The following NSMAF variants were observed in gnomAD, a reference collection of about 807,000 sequenced individuals.
NSMAF encodes protein FAN.
Under a neutral mutation model 134.9 loss-of-function variants are expected in NSMAF, and 90 were observed. The observed-to-expected ratio is 0.67, with a 90% confidence interval of 0.56 to 0.79. The LOEUF (loss-of-function observed/expected upper bound fraction) is 0.79. Ranked by LOEUF, NSMAF falls within the 30% of genes least tolerant of loss-of-function variation. The pLI is 0.00. For missense variants in NSMAF, 1,010 were observed against 1,119.0 expected (o/e 0.90, Z 1.39); for synonymous variants, 358 against 389.6 (o/e 0.92, Z 0.96).
At chr8:58,641,485 G>A (rs1807335193) in intron 2 of NSMAF, among the ~76,000 whole-genome samples, 1 of 152,104 alleles carries the variant, frequency 6.6e-6, no homozygotes, top group African/African-American at 2.4e-5. Context: ...TGATAAATCT[G>A]CCCCCTTCTG....
intron 9 of NSMAF, among the ~76,000 whole-genome samples, chr8:58,613,513 A>C (rs1457230532): frequency 1.3e-5 from 2 of 152,178 alleles, no homozygotes; most frequent in Non-Finnish European, 2.9e-5. Context: ...GGAGTACTGA[A>C]AAATACGAGA....
At chr8:58,625,494 ATTAT>A (rs1462576284) in intron 6 of NSMAF, among the ~76,000 whole-genome samples, 3 of 152,152 alleles carry the variant, frequency 2.0e-5, no homozygotes, top group Non-Finnish European at 2.9e-5. Context: ...TGCATTTGTA[ATTAT>A]TTATCTTTCT....
chr8:58,605,380 G>C (rs909124989), intron 12 of NSMAF, among the ~76,000 whole-genome samples: 3 of 152,080 alleles, frequency 2.0e-5, no homozygotes, highest in Admixed American at 1.3e-4. Flanking sequence ...ACTGAGTCTT[G>C]GTTCTCATAA....
In NSMAF at chr8:58,597,156, T is replaced by C. The variant is rs7008292; in HGVS notation, c.1792+231A>G. On this transcript the variant is annotated intron_variant, in intron 21 of 30. Transcript: ENST00000038176. ...AACATATATGGCCAACTTTCACTCATATTCAATTGCCAGAAAATAAAAGCG... is the reference window on the plus strand; with the variant it reads ...AACATATATGGCCAACTTTCACTCACATTCAATTGCCAGAAAATAAAAGCG... 0.067 allele frequency among the ~76,000 whole-genome samples: 10,265 copies of C among 152,166 alleles called. 973 individuals carry two copies. The highest frequency in any genetic ancestry group is 0.21 in the African/African-American group (8,700 of 41,462).
intron 1 of NSMAF, among the ~76,000 whole-genome samples, chr8:58,658,642 AGT>A (rs1344117340): frequency 1.3e-5 from 2 of 152,188 alleles, no homozygotes; most frequent in African/African-American, 4.8e-5. Context: ...CAATCAAAAC[AGT>A]GTGTCTGTAA....
intron 1 of NSMAF, among the ~76,000 whole-genome samples, chr8:58,657,915 A>G (rs58863335): frequency 0.032 from 4,836 of 152,328 alleles, 301 homozygotes; most frequent in East Asian, 0.27. Context: ...CTAACAAAGC[A>G]GCATATACAT....
intron 9 of NSMAF, among the ~76,000 whole-genome samples, chr8:58,619,770 A>G (rs1806740806): frequency 1.3e-5 from 2 of 152,196 alleles, no homozygotes; most frequent in African/African-American, 4.8e-5. Flanking sequence ...AATATATTAA[A>G]GGGGACCTAA....
At chr8:58,604,654 T>G (rs749467208) in intron 12 of NSMAF, among the ~76,000 whole-genome samples, 1 of 151,920 alleles carries the variant, frequency 6.6e-6, no homozygotes. Context: ...AGGGAAGATG[T>G]ACTTTACTAC....
chr8:58,615,784 C>A (rs1456846839), intron 9 of NSMAF, among the ~76,000 whole-genome samples: 1 of 151,946 alleles, frequency 6.6e-6, no homozygotes, highest in African/African-American at 2.4e-5. Flanking sequence ...TAAGTTTAAA[C>A]CCAAAGCAAG....
intron 6 of NSMAF, among the ~76,000 whole-genome samples, chr8:58,626,172 CT>C (rs1427470089): frequency 7.1e-6 from 1 of 141,712 alleles, no homozygotes; most frequent in Non-Finnish European, 1.5e-5. Flanking sequence ...GATCTTGGCT[CT>C]CTGCAAGCTC....
In NSMAF at chr8:58,590,055, AG is replaced by A; in HGVS notation, c.2038del (p.Leu680PhefsTer9). 6.2e-7 allele frequency: 1 copy of A among 1,613,806 alleles called. No individual in the cohort carries two copies. The highest frequency in any genetic ancestry group is 1.7e-4 in the Middle Eastern group (1 of 6,058). ...TATGACAGTGGCATCTCCTGGTAAAAGTAAACAAGACGATAAAGCCTGAAAT... is the reference window on the plus strand; with the variant it reads ...TATGACAGTGGCATCTCCTGGTAAAATAAACAAGACGATAAAGCCTGAAAT... The part of the protein sequence containing the change: ...FSNMALSSCL[L>X]LPGDATVITS... On this transcript the variant is annotated frameshift_variant, in exon 25 of 31. Transcript: ENST00000038176. LOFTEE classifies it high-confidence loss of function.
chr8:58,589,344 T>C (rs2129139228), intron 26 of NSMAF, 108 bp downstream of exon 26: 1 of 751,800 alleles, frequency 1.3e-6, no homozygotes, highest in Admixed American at 4.0e-5. Flanking sequence ...ACATTAGCAA[T>C]AGGTAGTTGA....
intron 1 of NSMAF, among the ~76,000 whole-genome samples, chr8:58,654,340 C>G (rs111561052): frequency 6.6e-6 from 1 of 152,148 alleles, no homozygotes. Context: ...CACCTGAGAT[C>G]GGGAGTTCGA....
At chr8:58,636,278 T>G (rs1356539803) in intron 2 of NSMAF, among the ~76,000 whole-genome samples, 1 of 152,164 alleles carries the variant, frequency 6.6e-6, no homozygotes, top group African/African-American at 2.4e-5. Context: ...ACACAGAAAA[T>G]TATTGACATC....
intron 1 of NSMAF, among the ~76,000 whole-genome samples, chr8:58,644,108 C>A (rs1807392550): frequency 1.3e-5 from 2 of 152,080 alleles, no homozygotes; most frequent in Non-Finnish European, 2.9e-5. Context: ...GAGTTACAGG[C>A]AAAAGCTTTC....
intron 10 of NSMAF, among the ~76,000 whole-genome samples, chr8:58,609,124 C>A (rs1234245301): frequency 2.0e-5 from 3 of 152,216 alleles, no homozygotes; most frequent in African/African-American, 7.2e-5. Flanking sequence ...TCTGCACTAG[C>A]TGGGAGGACC....
At position 58,601,450 on chromosome 8, in the gene NSMAF, C is replaced by G; in HGVS notation, c.1211G>C (p.Arg404Thr). 4.3e-6 allele frequency: 7 copies of G among 1,611,752 alleles called. No individual in the cohort carries two copies. Among genetic ancestry groups the G allele is most frequent in the Non-Finnish European group, 5.9e-6 (7 of 1,179,232 alleles). ...SPGYVLFYLV[R>T]IAPEYMLCLQ... ...GTAATGATAAAGAATCTTACCAATC[C>G]TAACAAGATAAAAAAGTACATAACC... Residue 404 changes from arginine to threonine, a missense_variant, in exon 15 of 31, where the codon AGG (arginine) becomes ACG (threonine). Transcript: ENST00000038176.
chr8:58,606,800 G>A (rs904665582), intron 11 of NSMAF, among the ~76,000 whole-genome samples: 3 of 152,070 alleles, frequency 2.0e-5, no homozygotes, highest in East Asian at 3.8e-4. Flanking sequence ...GTTAACCCCC[G>A]GAGTCTCAAT....
intron 11 of NSMAF, 145 bp downstream of exon 11, chr8:58,607,624 A>G: frequency 1.5e-6 from 1 of 659,292 alleles, no homozygotes; most frequent in South Asian, 1.9e-5. Context: ...TCTCCAAAAG[A>G]AAGAACAGCA....
Sources: gnomAD v4.1 joint callset for allele counts (sites outside exome capture counted in the v4.1 genomes callset) on GRCh38, gnomAD v4.1.1 for gene constraint, MANE v1.5 for transcripts, NCBI Gene and HGNC (gene_info 2026-07-23, HGNC 2026-07-21) for gene names.